ADAMTSL1: variants seen among roughly 807,000 people sequenced by gnomAD.
ADAMTSL1 encodes ADAMTS like 1.
ADAMTSL1 carries 126 observed loss-of-function variants against 201.8 expected under a neutral mutation model. That is an observed-to-expected ratio of 0.62 (90% confidence interval 0.54 to 0.72). The LOEUF is 0.72. Among genes scored for constraint, ADAMTSL1 ranks in the 30% least tolerant of loss-of-function variants. The probability of loss-of-function intolerance (pLI) is 0.00; values close to 1 mark genes in which losing one functional copy is unlikely to be tolerated. For missense variants in ADAMTSL1, 2,679 were observed against 2,277.8 expected, an observed-to-expected ratio of 1.18 and a Z score of -3.59; for synonymous variants, 1,121 against 903.4, an observed-to-expected ratio of 1.24 and a Z score of -4.32.
At chr9:18,224,232 G>A (rs1424159570) in intron 2 of ADAMTSL1, among the ~76,000 whole-genome samples, 2 of 152,066 alleles carry the variant, frequency 1.3e-5, no homozygotes, top group Non-Finnish European at 2.9e-5. Flanking sequence ...TCAGAAGGCT[G>A]GGAAATCCAA....
chr9:18,846,340 A>G (rs1453136838), intron 23 of ADAMTSL1, among the ~76,000 whole-genome samples: 3 of 152,316 alleles, frequency 2.0e-5, no homozygotes, highest in African/African-American at 7.2e-5. Flanking sequence ...TGAGAAACCA[A>G]TGTTTGAGCA....
intron 11 of ADAMTSL1, 104 bp from the exon 12 acceptor site, chr9:18,681,708 G>GGGA: frequency 2.7e-6 from 2 of 745,514 alleles, no homozygotes; most frequent in Non-Finnish European, 3.7e-6. Context: ...GGGGGGGGGG[G>GGGA]GCGGGGAAAA....
chr9:18,367,704 C>T (rs1443335890), intron 2 of ADAMTSL1, among the ~76,000 whole-genome samples: 1 of 151,808 alleles, frequency 6.6e-6, no homozygotes, highest in Non-Finnish European at 1.5e-5. Context: ...TGAACAGTGG[C>T]GGAAAGTTAG....
At chr9:18,758,000 C>T (rs527797143) in intron 16 of ADAMTSL1, among the ~76,000 whole-genome samples, 3 of 152,310 alleles carry the variant, frequency 2.0e-5, no homozygotes, top group Non-Finnish European at 4.4e-5. Context: ...CCTCACTATC[C>T]TATGTGATAG....
chr9:18,312,635 G>A (rs572510775), intron 2 of ADAMTSL1, among the ~76,000 whole-genome samples: 24 of 152,236 alleles, frequency 1.6e-4, no homozygotes, highest in African/African-American at 5.8e-4. Context: ...CAAAACTTCT[G>A]TACAAAGCCT....
At chr9:18,650,449 C>G (rs1281537734) in intron 7 of ADAMTSL1, among the ~76,000 whole-genome samples, 3 of 152,068 alleles carry the variant, frequency 2.0e-5, no homozygotes, top group African/African-American at 2.4e-5. Context: ...CCCAGTACCT[C>G]AGATGGAAAT....
intron 1 of ADAMTSL1, among the ~76,000 whole-genome samples, chr9:18,145,557 A>G (rs1423334563): frequency 6.6e-6 from 1 of 152,216 alleles, no homozygotes; most frequent in African/African-American, 2.4e-5. Context: ...CGAAACATGC[A>G]ACAAAATGAA....
At chr9:18,183,132 A>G (rs1828576273) in intron 2 of ADAMTSL1, among the ~76,000 whole-genome samples, 2 of 152,230 alleles carry the variant, frequency 1.3e-5, no homozygotes, top group South Asian at 2.1e-4. Context: ...ACAGTGAAGT[A>G]AAGACAGTCT....
At chr9:18,064,954 ATTTTTTTTTTTTTTTTTT>A (rs563021690) in intron 1 of ADAMTSL1, among the ~76,000 whole-genome samples, 2 of 69,022 alleles carry the variant, frequency 2.9e-5, no homozygotes, top group African/African-American at 1.1e-4. Flanking sequence ...TTTGCTAAAG[ATTTTTTTTTTTTTTTTTT>A]TTTTTTTTTT....
At chr9:17,981,980 G>C (rs1249002239) in intron 1 of ADAMTSL1, among the ~76,000 whole-genome samples, 1 of 152,190 alleles carries the variant, frequency 6.6e-6, no homozygotes, top group African/African-American at 2.4e-5. Flanking sequence ...GTGAGGTATT[G>C]ATAAATGCCT....
intron 9 of ADAMTSL1, among the ~76,000 whole-genome samples, chr9:18,675,394 A>C (rs548943338): frequency 4.6e-5 from 7 of 152,300 alleles, no homozygotes; most frequent in African/African-American, 1.7e-4. Flanking sequence ...TAGTATTGTC[A>C]ATTCTGAAGT....
chr9:18,446,333 C>T (rs776406165), intron 2 of ADAMTSL1, among the ~76,000 whole-genome samples: 3 of 152,128 alleles, frequency 2.0e-5, no homozygotes, highest in Non-Finnish European at 2.9e-5. Flanking sequence ...AGTCTAGATT[C>T]GTGCTGGTAT....
At chr9:18,438,453 C>G (rs1056485611) in intron 2 of ADAMTSL1, among the ~76,000 whole-genome samples, 1 of 152,114 alleles carries the variant, frequency 6.6e-6, no homozygotes, top group African/African-American at 2.4e-5. Flanking sequence ...GCCTCCCAGC[C>G]CCTCGGGTGG....
intron 15 of ADAMTSL1, among the ~76,000 whole-genome samples, chr9:18,733,414 G>A (rs1818324156): frequency 6.6e-6 from 1 of 152,128 alleles, no homozygotes; most frequent in East Asian, 1.9e-4. Context: ...GCTAAAAGAG[G>A]AGTCTAATAG....
At chr9:18,597,516 C>T (rs1458471602) in intron 4 of ADAMTSL1, among the ~76,000 whole-genome samples, 1 of 152,136 alleles carries the variant, frequency 6.6e-6, no homozygotes, top group Admixed American at 6.5e-5. Context: ...AGATTTGAAA[C>T]CTTGTCCTTG....
At chr9:18,631,982 T>C (rs1471895650) in intron 5 of ADAMTSL1, among the ~76,000 whole-genome samples, 1 of 152,184 alleles carries the variant, frequency 6.6e-6, no homozygotes, top group Non-Finnish European at 1.5e-5. Flanking sequence ...AAAGCCAGAA[T>C]AGATTAGGGC....
At chr9:17,990,221 T>C (rs2131496804) in intron 1 of ADAMTSL1, among the ~76,000 whole-genome samples, 1 of 152,190 alleles carries the variant, frequency 6.6e-6, no homozygotes, top group Non-Finnish European at 1.5e-5. Flanking sequence ...GTCATATGTC[T>C]ATAAGCTTTC....
chr9:18,550,854 A>C (rs1820758546), intron 3 of ADAMTSL1, among the ~76,000 whole-genome samples: 1 of 152,000 alleles, frequency 6.6e-6, no homozygotes, highest in African/African-American at 2.4e-5. Context: ...GTGTATTACT[A>C]ACATTCCAAT....
At chr9:18,373,057 C>T (rs974066093) in intron 2 of ADAMTSL1, among the ~76,000 whole-genome samples, 4 of 152,132 alleles carry the variant, frequency 2.6e-5, no homozygotes, top group African/African-American at 4.8e-5. Context: ...AATCCCTTAC[C>T]TTTTGGAACT....
Sources: allele counts gnomAD v4.1 joint callset (sites outside exome capture counted in the v4.1 genomes callset), GRCh38; gene constraint gnomAD v4.1.1; transcripts MANE v1.5; gene names NCBI Gene and HGNC (gene_info 2026-07-23, HGNC 2026-07-21).